ZNF34: variants seen among roughly 807,000 people sequenced by gnomAD.
ZNF34 encodes the protein zinc finger protein 34 (KOX 32).
ZNF34 carries 8 observed loss-of-function variants against 14.4 expected under a neutral mutation model. The observed-to-expected ratio is 0.55, with a 90% CI of 0.33 to 1.00. The LOEUF is 1.00. ZNF34 is among the 50% of genes least tolerant of loss of function. The probability of loss-of-function intolerance (pLI) is 0.03; values close to 1 mark genes in which losing one functional copy is unlikely to be tolerated. For synonymous variants in ZNF34, 235 were observed against 247.9 expected, an observed-to-expected ratio of 0.95 and a Z score of 0.49; for missense variants, 538 against 674.2, an observed-to-expected ratio of 0.80 and a Z score of 2.24.
Position 144,777,642 on chromosome 8 carries a change from C to G in ZNF34, c.161-65G>C. ...CAGGGCAGCACCTAGTGCTGTCTCA[C>G]CCTGGGGCTGCAGGGTAAGGGAGGC... On this transcript the variant is annotated intron_variant, in intron 4 of 5. Transcript: ENST00000429371. This position sits in a 1 kb window ranked among gnomAD's most constrained non-coding sequence, Gnocchi z 4.8. The G allele has an allele frequency of 6.5e-7, 1 of 1,528,124 alleles. No homozygotes were observed. The highest frequency in any genetic ancestry group is 1.2e-5 in the South Asian group (1 of 82,598). 94.7% of individuals were successfully genotyped at this position (1,528,124 alleles called of 1,614,324 possible).
chr8:144,782,414 C>T (rs189577453), intron 1 of ZNF34, among the ~76,000 whole-genome samples: 24 of 151,926 alleles, frequency 1.6e-4, no homozygotes, highest in Middle Eastern at 6.8e-3. Context: ...CACTTGAATT[C>T]GGGAGGTGGA....
rs765860973 is a variant in ZNF34 at position 144,773,465 on chromosome 8, C to T, written c.1421G>A (p.Arg474Lys). ...HNSSRLIHHQ[R>K]LHHGEKPYRC... is the part of the protein sequence containing the mutation. ...GTAGGGTTTCTCTCCGTGGTGCAGC[C>T]TCTGGTGGTGGATGAGTCTGGAACT... is the stretch of plus-strand genomic sequence containing the variant. Residue 474 changes from arginine to lysine, a missense_variant, in exon 6 of 6, where the codon AGG becomes AAG. Arg to Lys is a conservative substitution (Grantham distance 26). Around this residue, in one of 3 missense-constraint regions of ZNF34, gnomAD observed 101 missense variants for 123.1 expected, o/e 0.82. Coordinates refer to ENST00000429371, the MANE Select transcript of ZNF34 (RefSeq NM_001286769.2). This position sits in a 1 kb window ranked among gnomAD's most constrained non-coding sequence, Gnocchi z 5.4. 2.5e-6 allele frequency: 4 copies of T among 1,614,006 alleles called. No homozygotes were observed. The Admixed American group carries it at 5.0e-5, about 20-fold the overall frequency.
chr8:144,773,890 G>A lies in ZNF34; in HGVS notation c.996C>T (p.His332=), dbSNP rs1482844239. The change falls in exon 6 of 6, where the codon CAC becomes CAT. Residue 332 remains histidine, a synonymous_variant. Coordinates refer to ENST00000429371, the MANE Select transcript of ZNF34 (RefSeq NM_001286769.2). The surrounding 1 kb of genome is among the most constrained non-coding windows in gnomAD (Gnocchi z 5.4). ...GTTTCTCTCCGGTGTGGATTCTCTG[G>A]TGATAAATCAGGGAAGAGTAGGCGC... ...HFSAYSSLIY[H]QRIHTGEKPY... 3 of 1,613,808 alleles carry A rather than the reference G, an allele frequency of 1.9e-6. No homozygotes were observed. Among genetic ancestry groups the A allele is most frequent in the Admixed American group, 3.3e-5 (2 of 59,962 alleles).
intron 5 of ZNF34, among the ~76,000 whole-genome samples, chr8:144,776,931 A>G (rs916444907): frequency 1.4e-5 from 2 of 141,188 alleles, no homozygotes; most frequent in Non-Finnish European, 3.1e-5. Context: ...AAAAAAAAAA[A>G]GCAGTGTCAG....
intron 1 of ZNF34, among the ~76,000 whole-genome samples, chr8:144,782,011 C>T (rs1825918064): frequency 1.3e-5 from 2 of 151,942 alleles, no homozygotes. Context: ...CATGGTGAAA[C>T]CCCATCTCTC....
chr8:144,781,451 T>A (rs1825881146), intron 1 of ZNF34, among the ~76,000 whole-genome samples: 1 of 151,610 alleles, frequency 6.6e-6, no homozygotes, highest in Non-Finnish European at 1.5e-5. Flanking sequence ...AGAGACGGAG[T>A]TTCACCGTGC....
At position 144,773,767 on chromosome 8, in the gene ZNF34, C is replaced by T. The variant is rs777063983; in HGVS notation, c.1119G>A (p.Lys373=). ...TTTGTGTAAAGCCTTTGCCACATTC[C>T]TTGCACTCAAATGGCTTCTCTCCGG... The part of the protein sequence containing the change: ...THTGEKPFEC[K]ECGKGFTQSS... Residue 373 remains lysine (K), a synonymous_variant, in exon 6 of 6, where the codon AAG becomes AAA. Coordinates refer to ENST00000429371, the MANE Select transcript of ZNF34 (RefSeq NM_001286769.2). The surrounding 1 kb of genome is among the most constrained non-coding windows in gnomAD (Gnocchi z 5.4). The T allele has an allele frequency of 1.9e-6, 3 of 1,613,982 alleles. No individual in the cohort carries two copies. Among genetic ancestry groups the T allele is most frequent in the Non-Finnish European group, 2.5e-6 (3 of 1,179,932 alleles).
intron 2 of ZNF34, 125 bp from the exon 3 acceptor site, chr8:144,778,650 G>T: frequency 1.6e-6 from 1 of 637,678 alleles, no homozygotes; most frequent in Non-Finnish European, 2.5e-6. Flanking sequence ...ATCCCAATGT[G>T]GGTACTGCTA....
chr8:144,785,124 A>AAAAAAAAAAAAAAG (rs1826147264), intron 1 of ZNF34, among the ~76,000 whole-genome samples: 1 of 150,506 alleles, frequency 6.6e-6, no homozygotes, highest in African/African-American at 2.5e-5. Context: ...AAAAAAAAAA[A>AAAAAAAAAAAAAAG]AAAAAGAAAA....
intron 2 of ZNF34, among the ~76,000 whole-genome samples, chr8:144,778,734 CTTT>C (rs369997488): frequency 6.7e-6 from 1 of 148,314 alleles, no homozygotes; most frequent in African/African-American, 2.5e-5. Context: ...TTTTTTCTTT[CTTT>C]TTTTTTTAAT....
rs1188605437 is a variant in ZNF34, at chr8:144,773,741, C to G, written c.1145G>C (p.Ser382Thr). 1 of 1,613,924 alleles carries G rather than the reference C, an allele frequency of 6.2e-7. No homozygotes were observed. Among genetic ancestry groups the G allele is most frequent in the African/African-American group, 1.3e-5 (1 of 74,904 alleles). Residue 382 changes from serine to threonine, a missense_variant, in exon 6 of 6, where the codon AGT becomes ACT. Around this residue, in one of 3 missense-constraint regions of ZNF34, gnomAD observed 431 missense variants for 525.7 expected, o/e 0.82. Transcript: ENST00000429371. The surrounding 1 kb of genome is among the most constrained non-coding windows in gnomAD (Gnocchi z 5.4). The stretch of plus-strand genomic sequence containing the variant: ...TCTCTGATGTTGGATAAGGTTAGAA[C>G]TTTGTGTAAAGCCTTTGCCACATTC... ...CKECGKGFTQ[S>T]SNLIQHQRIH... is the part of the protein sequence containing the mutation.
chr8:144,773,417 G>T lies in ZNF34; in HGVS notation c.1469C>A (p.Ala490Asp). The change falls in exon 6 of 6, where the codon GCC (alanine) becomes GAC (aspartate). Residue 490 changes from alanine to aspartate, a missense_variant. Ala to Asp is a moderately radical substitution (Grantham distance 126, BLOSUM62 -2). This residue lies in a region of ZNF34 where 101 missense variants were observed against 123.1 expected (regional missense o/e 0.82). Coordinates refer to ENST00000429371, the MANE Select transcript of ZNF34 (RefSeq NM_001286769.2). The surrounding 1 kb of genome is among the most constrained non-coding windows in gnomAD (Gnocchi z 5.4). Reference sequence around the variant, plus strand: ...AATCAAGTACGTGCTCTGGCTGAAGGCTTTCTTGCAATCGCTGCATCTGTA... The same window carrying T: ...AATCAAGTACGTGCTCTGGCTGAAGTCTTTCTTGCAATCGCTGCATCTGTA... ...KPYRCSDCKK[A>D]FSQSTYLIQH... The T allele has an allele frequency of 6.2e-7, 1 of 1,613,672 alleles. No individual in the cohort carries two copies. The highest frequency in any genetic ancestry group is 8.5e-7 in the Non-Finnish European group (1 of 1,179,952).
intron 1 of ZNF34, among the ~76,000 whole-genome samples, chr8:144,781,379 C>T (rs1035820213): frequency 3.3e-5 from 5 of 151,290 alleles, no homozygotes; most frequent in Admixed American, 3.3e-4. Flanking sequence ...CGCCATTCTC[C>T]TGCCTCAGCC....
intron 1 of ZNF34, among the ~76,000 whole-genome samples, chr8:144,784,715 G>A (rs926878845): frequency 8.6e-5 from 13 of 151,592 alleles, no homozygotes; most frequent in Non-Finnish European, 1.6e-4. Flanking sequence ...CCAAGATCAC[G>A]CCACTGCACT....
chr8:144,776,358 G>C (rs1825514781), intron 5 of ZNF34, among the ~76,000 whole-genome samples: 1 of 150,992 alleles, frequency 6.6e-6, no homozygotes, highest in Admixed American at 6.6e-5. Flanking sequence ...CCAGTACTTT[G>C]GGAGGCCAAG....
rs977324295 is a variant in ZNF34 at position 144,777,871 on chromosome 8, G to A, written c.160+167C>T. ...GAGAGGGAAGGGAAGGGCTGACTCA[G>A]GAAGGTCCCAGCACTGCTCTTCCCC... On this transcript the variant is annotated intron_variant, in intron 4 of 5. Transcript: ENST00000429371. This position sits in a 1 kb window ranked among gnomAD's most constrained non-coding sequence, Gnocchi z 4.8. 6.6e-6 allele frequency among the ~76,000 whole-genome samples: 1 copy of A among 152,112 alleles called. No individual in the cohort carries two copies. The highest frequency in any genetic ancestry group is 2.4e-5 in the African/African-American group (1 of 41,402).
At chr8:144,783,000 A>T (rs940712280) in intron 1 of ZNF34, among the ~76,000 whole-genome samples, 42 of 131,064 alleles carry the variant, frequency 3.2e-4, no homozygotes, top group Admixed American at 7.0e-4. Context: ...TAAATAGATT[A>T]AAAAAAAAGA....
In ZNF34 at chr8:144,777,451, C is replaced by T; in HGVS notation, c.280+7G>A. ...ACTTGAGTTGGGGAGCAGATCCCCTCACGCACCTGGGCTGTTGACTCTCAG... is the reference window on the plus strand; with the variant it reads ...ACTTGAGTTGGGGAGCAGATCCCCTTACGCACCTGGGCTGTTGACTCTCAG... On this transcript the variant is annotated splice_region_variant and intron_variant, in intron 5 of 5. Transcript: ENST00000429371. The surrounding 1 kb of genome is among the most constrained non-coding windows in gnomAD (Gnocchi z 4.8). The T allele has an allele frequency of 6.4e-7, 1 of 1,551,202 alleles. No individual in the cohort carries two copies. Among genetic ancestry groups the T allele is most frequent in the Non-Finnish European group, 8.7e-7 (1 of 1,146,732 alleles).
intron 5 of ZNF34, among the ~76,000 whole-genome samples, chr8:144,775,573 G>C (rs1825458495): frequency 6.6e-6 from 1 of 152,178 alleles, no homozygotes; most frequent in South Asian, 2.1e-4. Context: ...AACACAAGCA[G>C]CTCTCACAGT....
Sources: allele counts gnomAD v4.1 joint callset (sites outside exome capture counted in the v4.1 genomes callset), GRCh38; gene constraint gnomAD v4.1.1; regional missense constraint gnomAD v4.1.1; non-coding constraint Gnocchi (gnomAD v3.1); transcripts MANE v1.5; gene names NCBI Gene and HGNC (gene_info 2026-07-23, HGNC 2026-07-21).